The following CDKN2B-AS1 variants were observed in gnomAD, a reference collection of about 807,000 sequenced individuals.
CDKN2B-AS1 encodes the protein CDKN2B and CDKN2A antisense cis and trans regulatory RNA 1.
At chr9:22,076,963 G>A (rs1255249669) in intron 4 of CDKN2B-AS1, among the ~76,000 whole-genome samples, 1 of 152,154 alleles carries the variant, frequency 6.6e-6, no homozygotes, top group East Asian at 1.9e-4. Flanking sequence ...GGGATTACAG[G>A]CATGAGCCAT....
At position 21,996,972 on chromosome 9, in the gene CDKN2B-AS1, C is replaced by T. The variant is rs879691645; in HGVS notation, n.29+1811C>T. Among the ~76,000 whole-genome samples, 5 of 152,128 alleles carry T rather than the reference C, an allele frequency of 3.3e-5. No individual in the cohort carries two copies. Among genetic ancestry groups the T allele is most frequent in the Non-Finnish European group, 7.4e-5 (5 of 68,022 alleles). ...GTCAGTTCTCCAGGGAAACAGAACC[C>T]ATTGTGTGTGTGTGCGTGCCAGTAC... On this transcript the variant is annotated intron_variant and non_coding_transcript_variant, in intron 1 of 4. Coordinates refer to ENST00000650946, the Ensembl canonical transcript of CDKN2B-AS1. The surrounding 1 kb of genome is among the most constrained non-coding windows in gnomAD (Gnocchi z 5.4).
chr9:22,072,743 T>C (rs1280345732), intron 4 of CDKN2B-AS1, among the ~76,000 whole-genome samples: 1 of 152,200 alleles, frequency 6.6e-6, no homozygotes, highest in Non-Finnish European at 1.5e-5. Flanking sequence ...TGTGAGTTGA[T>C]GTACAGTGTG....
At chr9:22,106,519 A>G (rs1343223799) in intron 4 of CDKN2B-AS1, among the ~76,000 whole-genome samples, 1 of 152,166 alleles carries the variant, frequency 6.6e-6, no homozygotes, top group Non-Finnish European at 1.5e-5. Context: ...GCCCAGCCCA[A>G]GTTGTCTGAC....
At chr9:22,068,058 A>G (rs570459686) in intron 4 of CDKN2B-AS1, among the ~76,000 whole-genome samples, 1 of 152,282 alleles carries the variant, frequency 6.6e-6, no homozygotes, top group South Asian at 2.1e-4. Flanking sequence ...TCATAGTTCA[A>G]TATCTGACAC....
rs1235141107 is a variant in CDKN2B-AS1 at position 21,999,919 on chromosome 9, T to C, written n.29+4758T>C. ...CCAAATATGCATGCTGGGGGAGAGA[T>C]GTTTGCAATTATATGTACTTATATT... On this transcript the variant is annotated intron_variant and non_coding_transcript_variant, in intron 1 of 4. Coordinates refer to ENST00000650946, the Ensembl canonical transcript of CDKN2B-AS1. This position sits in a 1 kb window ranked among gnomAD's most constrained non-coding sequence, Gnocchi z 4.7. 6.6e-6 allele frequency among the ~76,000 whole-genome samples: 1 copy of C among 152,092 alleles called. No homozygotes were observed. The highest frequency in any genetic ancestry group is 2.4e-5 in the African/African-American group (1 of 41,402).
chr9:22,107,221 A>G (rs1403224495), intron 4 of CDKN2B-AS1, among the ~76,000 whole-genome samples: 1 of 152,180 alleles, frequency 6.6e-6, no homozygotes, highest in African/African-American at 2.4e-5. Context: ...AAGTGGTTCT[A>G]AGAAACTAGC....
At chr9:22,088,253 G>GT (rs1456797637) in intron 4 of CDKN2B-AS1, among the ~76,000 whole-genome samples, 1 of 152,136 alleles carries the variant, frequency 6.6e-6, no homozygotes, top group Non-Finnish European at 1.5e-5. Flanking sequence ...ATGAAAGGTC[G>GT]TAAGAAGCGA....
At chr9:22,065,864 C>T (rs1421616089) in intron 4 of CDKN2B-AS1, 2 of 152,198 alleles carry the variant, frequency 1.3e-5, no homozygotes, top group Non-Finnish European at 2.9e-5. Flanking sequence ...TTACAACATA[C>T]TGTGATGTAT....
chr9:22,026,942 G>A (rs1454582634), intron 1 of CDKN2B-AS1, among the ~76,000 whole-genome samples: 1 of 152,142 alleles, frequency 6.6e-6, no homozygotes, highest in Non-Finnish European at 1.5e-5. Context: ...ACTTCCCTGG[G>A]AAGGGGAGTT....
intron 1 of CDKN2B-AS1, among the ~76,000 whole-genome samples, chr9:22,044,561 T>C (rs1436328724): frequency 6.6e-6 from 1 of 152,048 alleles, no homozygotes; most frequent in East Asian, 1.9e-4. Flanking sequence ...TAATATTCTT[T>C]GGTGTGAAGT....
At chr9:22,025,039 C>T (rs1428571991) in intron 1 of CDKN2B-AS1, among the ~76,000 whole-genome samples, 2 of 152,220 alleles carry the variant, frequency 1.3e-5, no homozygotes, top group Non-Finnish European at 2.9e-5. Flanking sequence ...GCAAGTTGAG[C>T]CTAGAGGGAT....
intron 1 of CDKN2B-AS1, among the ~76,000 whole-genome samples, chr9:22,028,231 A>G (rs1326975656): frequency 6.6e-6 from 1 of 152,112 alleles, no homozygotes; most frequent in African/African-American, 2.4e-5. Flanking sequence ...AATATTTAAA[A>G]TATTTTTTGT....
chr9:22,065,475 A>G (rs543902143), intron 4 of CDKN2B-AS1, among the ~76,000 whole-genome samples: 21 of 152,282 alleles, frequency 1.4e-4, no homozygotes, highest in African/African-American at 4.8e-4. Context: ...TCTAACCAAG[A>G]TGTATTAATA....
At chr9:22,009,092 C>A (rs1376962146) in intron 1 of CDKN2B-AS1, 1 of 1,322,302 alleles carries the variant, frequency 7.6e-7, no homozygotes, top group Non-Finnish European at 1.1e-6. Context: ...CATTACCCTC[C>A]CGTCGTCCTT....
chr9:22,052,762 T>C (rs1823404163), intron 3 of CDKN2B-AS1, among the ~76,000 whole-genome samples: 1 of 152,250 alleles, frequency 6.6e-6, no homozygotes, highest in South Asian at 2.1e-4. Context: ...GGCAACACTT[T>C]GTTAACCTGA....
chr9:22,019,407 T>C (rs1821925278), intron 1 of CDKN2B-AS1, among the ~76,000 whole-genome samples: 1 of 152,176 alleles, frequency 6.6e-6, no homozygotes, highest in Non-Finnish European at 1.5e-5. Context: ...AGAAGTAGAT[T>C]GCTTTAAGAC....
intron 4 of CDKN2B-AS1, among the ~76,000 whole-genome samples, chr9:22,106,456 A>G (rs538079623): frequency 1.3e-5 from 2 of 152,294 alleles, no homozygotes; most frequent in South Asian, 4.1e-4. Flanking sequence ...ACCTCAGGTG[A>G]TCTGCCCACC....
chr9:22,033,032 A>T (rs1487213165), intron 1 of CDKN2B-AS1: 1 of 152,078 alleles, frequency 6.6e-6, no homozygotes, highest in Non-Finnish European at 1.5e-5. Flanking sequence ...TCAGATCAGC[A>T]GTGGCATTAG....
intron 4 of CDKN2B-AS1, among the ~76,000 whole-genome samples, chr9:22,126,022 G>A (rs2131379136): frequency 6.6e-6 from 1 of 152,244 alleles, no homozygotes; most frequent in South Asian, 2.1e-4. Flanking sequence ...GCAGGTAGGG[G>A]CACCAGCTTC....
Sources: allele counts gnomAD v4.1 joint callset (sites outside exome capture counted in the v4.1 genomes callset), GRCh38; gene constraint gnomAD v4.1.1; non-coding constraint Gnocchi (gnomAD v3.1); transcripts MANE v1.5; gene names NCBI Gene and HGNC (gene_info 2026-07-23, HGNC 2026-07-21).